Variants in TRDMT1 observed in about 807,000 individuals in gnomAD.
The protein encoded by TRDMT1 is tRNA aspartic acid methyltransferase 1, also known as tRNA (cytosine(38)-C(5))-methyltransferase.
Under a neutral mutation model 51.2 loss-of-function variants are expected in TRDMT1, and 49 were observed. The observed-to-expected ratio is 0.96, with a 90% CI of 0.76 to 1.21. The LOEUF is 1.21. Ranked by LOEUF, TRDMT1 falls within the 50% of genes most tolerant of loss-of-function variation. The probability of loss-of-function intolerance (pLI) is 0.00; values close to 1 mark genes in which losing one functional copy is unlikely to be tolerated. For synonymous variants in TRDMT1, 187 were observed against 164.6 expected (o/e 1.14, Z -1.04); for missense variants, 534 against 462.3 (o/e 1.16, Z -1.42).
intron 10 of TRDMT1, chr10:17,150,173 A>T (rs1339757875): frequency 1.9e-5 from 3 of 161,474 alleles, no homozygotes; most frequent in African/African-American, 7.2e-5. Context: ...TATTTTAGCC[A>T]TCCTAATGAG....
intron 1 of TRDMT1, among the ~76,000 whole-genome samples, chr10:17,178,408 G>A (rs541433664): frequency 1.3e-5 from 2 of 152,134 alleles, no homozygotes; most frequent in Non-Finnish European, 2.9e-5. Context: ...GGGTGAGGTG[G>A]CTCACACCTG....
At position 17,166,312 on chromosome 10, in the gene TRDMT1, T is replaced by A. The variant is rs559857206; in HGVS notation, c.251+2529A>T. 7.2e-5 allele frequency among the ~76,000 whole-genome samples: 10 copies of A among 138,244 alleles called. No homozygotes were observed. In the Admixed American group the frequency reaches 8.4e-4, roughly 12 times the overall value. 90.7% of individuals were successfully genotyped at this position (138,244 alleles called of 152,430 possible). ...GCAAGTTCTCACTCATAGGTGGGAATTGAACAATCAGAACACATGGACACA... is the reference window on the plus strand; with the variant it reads ...GCAAGTTCTCACTCATAGGTGGGAAATGAACAATCAGAACACATGGACACA... On this transcript the variant is annotated intron_variant, in intron 3 of 10. Transcript: ENST00000377799.
At chr10:17,182,959 AAC>A (rs1438043511) in intron 1 of TRDMT1, among the ~76,000 whole-genome samples, 1 of 152,222 alleles carries the variant, frequency 6.6e-6, no homozygotes, top group Non-Finnish European at 1.5e-5. Context: ...TGGATAAATG[AAC>A]ACTGTCTAAT....
chr10:17,168,453 A>G (rs17140093), intron 3 of TRDMT1, among the ~76,000 whole-genome samples: 2,443 of 152,308 alleles, frequency 0.016, 68 homozygotes, highest in African/African-American at 0.055. Flanking sequence ...AAGTCCTTCA[A>G]AAGCACTTTC....
chr10:17,172,958 T>G (rs896988025), intron 2 of TRDMT1, among the ~76,000 whole-genome samples: 1 of 151,892 alleles, frequency 6.6e-6, no homozygotes, highest in South Asian at 2.1e-4. Flanking sequence ...CCCTAGAGAA[T>G]CCAACAGGAA....
chr10:17,175,673 G>GAAAA (rs111303184), intron 1 of TRDMT1, among the ~76,000 whole-genome samples: 9 of 128,870 alleles, frequency 7.0e-5, no homozygotes, highest in African/African-American at 2.3e-4. Context: ...ATCAAAAAAG[G>GAAAA]AAAAAAAAAA....
Position 17,181,237 on chromosome 10 carries a change from G to A in TRDMT1, c.65-6577C>T, listed in dbSNP as rs115317843. On this transcript the variant is annotated intron_variant, in intron 1 of 10. Transcript: ENST00000377799. The stretch of plus-strand genomic sequence containing the variant: ...GAGTGGTAGTTCCCTATGCTCTCTG[G>A]CCTTTCCACTGGAGGTTTGGAAAGC... Among the ~76,000 whole-genome samples the A allele has an allele frequency of 7.9e-3, 1,209 of 152,196 alleles. 15 individuals carry two copies. Among genetic ancestry groups the A allele is most frequent in the African/African-American group, 0.027 (1,100 of 41,494 alleles).
rs1837580840 is a variant in TRDMT1 at position 17,140,413 on chromosome 10, T to A, written c.*8627A>T. Among the ~76,000 whole-genome samples the A allele has an allele frequency of 6.6e-6, 1 of 152,086 alleles. No homozygotes were observed. Among genetic ancestry groups the A allele is most frequent in the Non-Finnish European group, 1.5e-5 (1 of 68,034 alleles). Reference sequence around the variant, plus strand: ...CAATCCCCCAAGCCATGAAAGAACCTACAATTCTATTACCATACTCAGCAT... The same window carrying A: ...CAATCCCCCAAGCCATGAAAGAACCAACAATTCTATTACCATACTCAGCAT... On this transcript the variant is annotated 3_prime_UTR_variant, in exon 11 of 11. Transcript: ENST00000377799.
chr10:17,151,852 T>A (rs1489819692), intron 10 of TRDMT1: 3 of 957,760 alleles, frequency 3.1e-6, no homozygotes, highest in Non-Finnish European at 3.8e-6. Flanking sequence ...AATAACTCTA[T>A]GAAGCAGGAG....
chr10:17,166,099 T>G (rs1841167258), intron 3 of TRDMT1, among the ~76,000 whole-genome samples: 1 of 152,118 alleles, frequency 6.6e-6, no homozygotes, highest in African/African-American at 2.4e-5. Context: ...CTATTCACAA[T>G]AGCAAAGACT....
rs756888527 is a variant in TRDMT1 at position 17,148,413 on chromosome 10, G to T, written c.*627C>A. ...AATGAGTTTTGTCCTTCAGATAGAG[G>T]CTGAGGAAAATGTAGATAATGTGCA... On this transcript the variant is annotated 3_prime_UTR_variant, in exon 11 of 11. Coordinates refer to ENST00000377799, the MANE Select transcript of TRDMT1 (RefSeq NM_004412.7). 6 of 985,300 alleles carry T rather than the reference G, an allele frequency of 6.1e-6. No individual in the cohort carries two copies. Among genetic ancestry groups the T allele is most frequent in the Non-Finnish European group, 6.0e-6 (5 of 829,928 alleles). 61.0% of individuals were successfully genotyped at this position (985,300 alleles called of 1,614,324 possible). A position where few individuals can be genotyped will look rare whatever the true frequency, so the allele number is the denominator to read the frequency against.
rs923666406 is a variant in TRDMT1 at position 17,192,070 on chromosome 10, G to A, written c.64+9501C>T. ...AGGCAGGTGGGGCCAAGCAAATCCG[G>A]GCAGCGCAAAAATTAAGTCTGACAA... is the stretch of plus-strand genomic sequence containing the variant. On this transcript the variant is annotated intron_variant, in intron 1 of 10. Coordinates refer to ENST00000377799, the MANE Select transcript of TRDMT1 (RefSeq NM_004412.7). 2.0e-5 allele frequency among the ~76,000 whole-genome samples: 3 copies of A among 152,266 alleles called. No homozygotes were observed. In the East Asian group the frequency reaches 5.8e-4, roughly 29 times the overall value.
intron 3 of TRDMT1, among the ~76,000 whole-genome samples, chr10:17,166,207 C>T (rs1343029494): frequency 6.6e-6 from 1 of 152,032 alleles, no homozygotes; most frequent in Non-Finnish European, 1.5e-5. Flanking sequence ...AGGATGAGTT[C>T]ATGTCCTTTG....
At chr10:17,181,384 A>G (rs1165044194) in intron 1 of TRDMT1, among the ~76,000 whole-genome samples, 1 of 152,154 alleles carries the variant, frequency 6.6e-6, no homozygotes, top group Admixed American at 6.5e-5. Flanking sequence ...CCCTCACTAG[A>G]CTACTCAATC....
rs1837901151 is a variant in TRDMT1, at chr10:17,144,083, G to A, written c.*4957C>T. The A allele has an allele frequency of 3.0e-6, 3 of 985,364 alleles. No individual in the cohort carries two copies. The highest frequency in any genetic ancestry group is 1.7e-5 in the African/African-American group (1 of 57,324). 61.0% of individuals were successfully genotyped at this position (985,364 alleles called of 1,614,324 possible). On this transcript the variant is annotated 3_prime_UTR_variant, in exon 11 of 11. Transcript: ENST00000377799. Reference sequence around the variant, plus strand: ...AAGGGTGAGAATCTCTAAGAAAAATGGCATGAAAAGTGAAGGGTAGAAAGA... The same window carrying A: ...AAGGGTGAGAATCTCTAAGAAAAATAGCATGAAAAGTGAAGGGTAGAAAGA...
rs933595824 is a variant in TRDMT1 at position 17,172,230 on chromosome 10, A to G, written c.174+2321T>C. On this transcript the variant is annotated intron_variant, in intron 2 of 10. Transcript: ENST00000377799. ...TTAAATGTAGACAAAGAAAGACACA[A>G]TATATTAAGAGGAATGAAAGCAGAA... Among the ~76,000 whole-genome samples, 18 of 152,344 alleles carry G rather than the reference A, an allele frequency of 1.2e-4. 1 individual carries two copies. Among genetic ancestry groups the G allele is most frequent in the Middle Eastern group, 3.4e-3 (1 of 294 alleles).
rs1837984822 is a variant in TRDMT1 at position 17,145,083 on chromosome 10, C to T, written c.*3957G>A. ...TGGCCAACATGGTGAAACCCGATCT[C>T]TACTAATACAAAAATTAGCTAGGTG... On this transcript the variant is annotated 3_prime_UTR_variant, in exon 11 of 11. Transcript: ENST00000377799. 1 of 662,988 alleles carries T rather than the reference C, an allele frequency of 1.5e-6. No individual in the cohort carries two copies. The highest frequency in any genetic ancestry group is 6.7e-5 in the South Asian group (1 of 14,822). 41.1% of individuals were successfully genotyped at this position (662,988 alleles called of 1,614,324 possible).
At chr10:17,164,913 AG>A (rs1321452716) in intron 3 of TRDMT1, among the ~76,000 whole-genome samples, 1 of 152,248 alleles carries the variant, frequency 6.6e-6, no homozygotes, top group Non-Finnish European at 1.5e-5. Context: ...AGGGATAGGA[AG>A]AATCAATATT....
chr10:17,164,202 G>T (rs1163593232), intron 3 of TRDMT1, among the ~76,000 whole-genome samples: 1 of 152,158 alleles, frequency 6.6e-6, no homozygotes, highest in East Asian at 1.9e-4. Flanking sequence ...TGGGATGCAA[G>T]GCTGGTTCAA....
Sources: gnomAD v4.1 joint callset for allele counts (sites outside exome capture counted in the v4.1 genomes callset) on GRCh38, gnomAD v4.1.1 for gene constraint, MANE v1.5 for transcripts, NCBI Gene and HGNC (gene_info 2026-07-23, HGNC 2026-07-21) for gene names.